The following SRBD1 variants were observed in gnomAD, a reference collection of about 807,000 sequenced individuals.
SRBD1 encodes the protein S1 RNA-binding domain-containing protein 1.
SRBD1 carries 88 observed loss-of-function variants against 115.3 expected under a neutral mutation model. The ratio of observed to expected loss-of-function variants is 0.76; its 90% CI spans 0.64 to 0.91. SRBD1 has a LOEUF of 0.91. Among genes scored for constraint, SRBD1 ranks in the 40% least tolerant of loss-of-function variants. The pLI is 0.00. For missense variants in SRBD1, 1,385 were observed against 1,177.4 expected, an observed-to-expected ratio of 1.18 and a Z score of -2.58; for synonymous variants, 509 against 407.7, an observed-to-expected ratio of 1.25 and a Z score of -2.99.
At chr2:45,497,949 G>C (rs770952678) in intron 14 of SRBD1, among the ~76,000 whole-genome samples, 4 of 151,978 alleles carry the variant, frequency 2.6e-5, no homozygotes, top group Non-Finnish European at 5.9e-5. Flanking sequence ...CAGGAGAATC[G>C]CTTGAGATCG....
At chr2:45,462,522 A>T (rs2103777046) in intron 16 of SRBD1, among the ~76,000 whole-genome samples, 1 of 152,286 alleles carries the variant, frequency 6.6e-6, no homozygotes, top group East Asian at 1.9e-4. Context: ...CTTTTTAATA[A>T]TACAGTACAA....
At chr2:45,412,679 C>A (rs1667638354) in intron 19 of SRBD1, among the ~76,000 whole-genome samples, 1 of 152,158 alleles carries the variant, frequency 6.6e-6, no homozygotes, top group African/African-American at 2.4e-5. Flanking sequence ...TTAATGTATA[C>A]TCACTAAAAG....
Position 45,452,379 on chromosome 2 carries a change from T to TCAG in SRBD1, c.2049+24611_2049+24613dup, listed in dbSNP as rs1424993615. The stretch of plus-strand genomic sequence containing the variant: ...CTGAGAATTTCTCTCAGGCTTATAA[T>TCAG]CAGCAGCAGCAGTGCCCCCAAGTAA... On this transcript the variant is annotated intron_variant, in intron 16 of 20. Transcript: ENST00000263736. Among the ~76,000 whole-genome samples, 3 of 152,072 alleles carry TCAG rather than the reference T, an allele frequency of 2.0e-5. No homozygotes were observed. The East Asian group carries it at 5.8e-4, about 29-fold the overall frequency.
Position 45,576,361 on chromosome 2 carries a change from T to C in SRBD1, c.1073-1638A>G, listed in dbSNP as rs939233864. Among the ~76,000 whole-genome samples, 3 of 151,938 alleles carry C rather than the reference T, an allele frequency of 2.0e-5. No homozygotes were observed. In the East Asian group the frequency reaches 5.8e-4, roughly 29 times the overall value. ...CATCAGTAAGGCTTCAGGTCAACAG[T>C]AGGCTATTAACAATTAAGTTTTTAT... On this transcript the variant is annotated intron_variant, in intron 7 of 20. Transcript: ENST00000263736.
At chr2:45,423,197 A>G (rs1332333148) in intron 16 of SRBD1, among the ~76,000 whole-genome samples, 1 of 152,218 alleles carries the variant, frequency 6.6e-6, no homozygotes, top group East Asian at 1.9e-4. Context: ...TTAAAAAACA[A>G]AATCACTTGG....
chr2:45,436,927 G>A (rs1474381879), intron 16 of SRBD1, among the ~76,000 whole-genome samples: 3 of 152,132 alleles, frequency 2.0e-5, no homozygotes, highest in Non-Finnish European at 4.4e-5. Flanking sequence ...CAAGGTTGTA[G>A]GACACAAGGT....
At chr2:45,505,627 G>C (rs1158535127) in intron 14 of SRBD1, among the ~76,000 whole-genome samples, 2 of 152,156 alleles carry the variant, frequency 1.3e-5, no homozygotes, top group Non-Finnish European at 2.9e-5. Context: ...TTATTCTAAA[G>C]TAAATAAGAT....
intron 15 of SRBD1, among the ~76,000 whole-genome samples, chr2:45,478,602 T>C (rs1182298421): frequency 6.6e-6 from 1 of 152,234 alleles, no homozygotes; most frequent in African/African-American, 2.4e-5. Context: ...TTGCAGGTGA[T>C]AGGAGAAATG....
chr2:45,597,977 G>A (rs961535791), intron 4 of SRBD1, among the ~76,000 whole-genome samples: 3 of 152,088 alleles, frequency 2.0e-5, no homozygotes, highest in African/African-American at 7.2e-5. Context: ...TACCAGAGGT[G>A]GATCTATGTC....
intron 16 of SRBD1, among the ~76,000 whole-genome samples, chr2:45,444,749 C>T (rs1330671271): frequency 6.6e-6 from 1 of 152,144 alleles, no homozygotes; most frequent in East Asian, 1.9e-4. Flanking sequence ...TTCTCAACTG[C>T]TCAAATACTA....
At chr2:45,437,561 G>A (rs879620815) in intron 16 of SRBD1, among the ~76,000 whole-genome samples, 3 of 151,986 alleles carry the variant, frequency 2.0e-5, no homozygotes, top group Non-Finnish European at 4.4e-5. Context: ...CTTAACAAAA[G>A]TAAATCAAAA....
At chr2:45,497,437 T>A (rs1047182471) in intron 14 of SRBD1, among the ~76,000 whole-genome samples, 30 of 152,182 alleles carry the variant, frequency 2.0e-4, no homozygotes, top group African/African-American at 5.6e-4. Context: ...CATTTAACTT[T>A]CCTTCAATCT....
At chr2:45,435,568 A>C (rs926729753) in intron 16 of SRBD1, among the ~76,000 whole-genome samples, 11 of 68,322 alleles carry the variant, frequency 1.6e-4, no homozygotes, top group Admixed American at 1.1e-3. Context: ...GGGAAAAAAA[A>C]AAAACAAAAA....
intron 12 of SRBD1, among the ~76,000 whole-genome samples, chr2:45,548,577 A>G (rs1245303702): frequency 1.3e-5 from 2 of 152,126 alleles, no homozygotes; most frequent in Non-Finnish European, 2.9e-5. Context: ...CTGATCTAAC[A>G]ACACACCCAA....
chr2:45,427,182 A>T (rs1423063687), intron 16 of SRBD1, among the ~76,000 whole-genome samples: 1 of 152,072 alleles, frequency 6.6e-6, no homozygotes, highest in Non-Finnish European at 1.5e-5. Context: ...TTTAGAGAAG[A>T]ACATAAATGA....
At chr2:45,483,899 A>C (rs1670039540) in intron 15 of SRBD1, among the ~76,000 whole-genome samples, 1 of 152,118 alleles carries the variant, frequency 6.6e-6, no homozygotes, top group East Asian at 1.9e-4. Flanking sequence ...AAGATGTTGA[A>C]CTGAAAAAAA....
At chr2:45,541,707 G>A (rs1005678988) in intron 14 of SRBD1, among the ~76,000 whole-genome samples, 5 of 152,170 alleles carry the variant, frequency 3.3e-5, no homozygotes, top group African/African-American at 1.2e-4. Context: ...GAGGAGATGG[G>A]CAGTGGGTAG....
intron 5 of SRBD1, among the ~76,000 whole-genome samples, chr2:45,584,731 T>C (rs186676204): frequency 6.6e-6 from 1 of 152,216 alleles, no homozygotes; most frequent in East Asian, 1.9e-4. Flanking sequence ...TTGTAGTCTT[T>C]GTACACATAT....
At chr2:45,596,703 A>T (rs951289442) in intron 4 of SRBD1, among the ~76,000 whole-genome samples, 3 of 152,186 alleles carry the variant, frequency 2.0e-5, no homozygotes, top group African/African-American at 7.2e-5. Context: ...CCGAGCTCAT[A>T]ACAAGTCATC....
Sources: gnomAD v4.1 joint callset for allele counts (sites outside exome capture counted in the v4.1 genomes callset) on GRCh38, gnomAD v4.1.1 for gene constraint, MANE v1.5 for transcripts, NCBI Gene and HGNC (gene_info 2026-07-23, HGNC 2026-07-21) for gene names.